Variants in WSB2 observed in about 807,000 individuals in gnomAD.
WSB2 encodes WD repeat and SOCS box containing 2.
Under a neutral mutation model 48.8 loss-of-function variants are expected in WSB2, and 12 were observed. That is an observed-to-expected ratio of 0.25 (90% CI 0.16 to 0.40). The LOEUF (loss-of-function observed/expected upper bound fraction) is 0.40, where lower values mean the gene tolerates loss of function less well. WSB2 is among the 10% of genes least tolerant of loss of function. The probability of loss-of-function intolerance (pLI) is 1.00; values close to 1 mark genes in which losing one functional copy is unlikely to be tolerated. For missense variants in WSB2, 317 were observed against 506.2 expected (o/e 0.63, Z 3.59); for synonymous variants, 191 against 203.1 (o/e 0.94, Z 0.51).
At chr12:118,061,744 C>A (rs1454821746), upstream of WSB2, among the ~76,000 whole-genome samples, 1 of 119,232 alleles carries the variant, frequency 8.4e-6, no homozygotes, top group African/African-American at 3.4e-5. Context: ...TGGAGCCATG[C>A]GAAGGCCGAT....
At chr12:118,061,943 A>AG (rs1318769101), upstream of WSB2, among the ~76,000 whole-genome samples, 2 of 116,922 alleles carry the variant, frequency 1.7e-5, no homozygotes, top group Non-Finnish European at 3.4e-5. Flanking sequence ...GGGTAAAACA[A>AG]GGGGGGCTAC....
At chr12:118,042,996 A>C (rs1354370733) in intron 3 of WSB2, 24 bp from the exon 4 acceptor site, 1 of 1,614,074 alleles carries the variant, frequency 6.2e-7, no homozygotes, top group Non-Finnish European at 8.5e-7. Flanking sequence ...AGGGGCACTG[A>C]GTCAGCCAGA....
In WSB2 at chr12:118,035,245, C is replaced by G. The variant is rs754879721; in HGVS notation, c.913G>C (p.Gly305Arg). ...TCTGCCACCGTGGCAAGGTACAAGC[C>G]TTCTGGAGAGAAGCACACAGATCTC... ...SLRSVCFSPE[G>R]LYLATVADDR... is the part of the protein sequence containing the mutation. The change falls in exon 7 of 9, where the codon GGC becomes CGC. Residue 305 changes from glycine to arginine, a missense_variant. Around this residue, in one of 2 missense-constraint regions of WSB2, gnomAD observed 189 missense variants for 349.6 expected, o/e 0.54. Transcript: ENST00000315436. The G allele has an allele frequency of 6.2e-7, 1 of 1,614,206 alleles. No homozygotes were observed. The highest frequency in any genetic ancestry group is 8.5e-7 in the Non-Finnish European group (1 of 1,180,042).
At chr12:118,049,062 T>C (rs1405834701) in intron 2 of WSB2, among the ~76,000 whole-genome samples, 2 of 152,240 alleles carry the variant, frequency 1.3e-5, no homozygotes, top group African/African-American at 4.8e-5. Context: ...TCTTCCATGT[T>C]GTGCTTTTTA....
In WSB2 at chr12:118,042,917, G is replaced by A; in HGVS notation, c.483C>T (p.Phe161=). Residue 161 remains phenylalanine (F), a synonymous_variant, in exon 4 of 9, where the codon TTC becomes TTT. Transcript: ENST00000315436. ...GHQDVVRDLS[F]TPSGSLILVS... ...CCAAAATCAAACTGCCACTGGGTGT[G>A]AAGCTCAGATCTCTCACGACATCTT... 2 of 1,614,212 alleles carry A rather than the reference G, an allele frequency of 1.2e-6. No individual in the cohort carries two copies. Among genetic ancestry groups the A allele is most frequent in the African/African-American group, 1.3e-5 (1 of 75,050 alleles).
chr12:118,039,706 C>A (rs569261169), intron 4 of WSB2, among the ~76,000 whole-genome samples: 1 of 151,842 alleles, frequency 6.6e-6, no homozygotes, highest in East Asian at 1.9e-4. Context: ...TAAGTTTATG[C>A]GGATGTATGG....
intron 2 of WSB2, among the ~76,000 whole-genome samples, chr12:118,050,780 G>T (rs1057344858): frequency 2.0e-5 from 3 of 152,028 alleles, no homozygotes; most frequent in Non-Finnish European, 2.9e-5. Flanking sequence ...GGCCAGGTGT[G>T]GTGGCTCACA....
At chr12:118,051,974 AAAAT>A (rs1239694651) in intron 2 of WSB2, among the ~76,000 whole-genome samples, 1 of 152,234 alleles carries the variant, frequency 6.6e-6, no homozygotes, top group African/African-American at 2.4e-5. Flanking sequence ...ACTGTCTCAA[AAAAT>A]AAATAAATAA....
intron 1 of WSB2, among the ~76,000 whole-genome samples, chr12:118,054,469 G>C (rs569398909): frequency 8.2e-5 from 12 of 147,210 alleles, no homozygotes; most frequent in African/African-American, 2.9e-4. Context: ...TCGGGAGTTC[G>C]AGACCAGCCT....
At chr12:118,034,881 CT>C in intron 8 of WSB2, 104 bp downstream of exon 8, 1 of 1,080,074 alleles carries the variant, frequency 9.3e-7, no homozygotes, top group Non-Finnish European at 1.3e-6. Flanking sequence ...TGCCTTAAAG[CT>C]TTCCTCATAG....
intron 3 of WSB2, 75 bp downstream of exon 3, chr12:118,043,058 T>C (rs1289200543): frequency 1.6e-5 from 26 of 1,613,358 alleles, no homozygotes; most frequent in Non-Finnish European, 2.2e-5. Flanking sequence ...CCAACGTGAG[T>C]GGGGCAGGGA....
Position 118,042,830 on chromosome 12 carries a change from A to C in WSB2, c.559+11T>G, listed in dbSNP as rs1398982549. The C allele has an allele frequency of 1.9e-6, 3 of 1,612,248 alleles. No individual in the cohort carries two copies. In the Admixed American group the frequency reaches 5.0e-5, roughly 27 times the overall value. On this transcript the variant is annotated intron_variant, in intron 4 of 8. Coordinates refer to ENST00000315436, the MANE Select transcript of WSB2 (RefSeq NM_018639.5). Reference sequence around the variant, plus strand: ...TTTGGAGTTGCCGAGTAGTTCCTTCACTTCCCATACCGTGTTTATTCAGGT... The same window carrying C: ...TTTGGAGTTGCCGAGTAGTTCCTTCCCTTCCCATACCGTGTTTATTCAGGT...
chr12:118,049,375 G>A (rs895233132), intron 2 of WSB2, among the ~76,000 whole-genome samples: 5 of 152,026 alleles, frequency 3.3e-5, no homozygotes, highest in Admixed American at 2.6e-4. Context: ...ATGAAGATCA[G>A]TGTATATAAA....
intron 1 of WSB2, among the ~76,000 whole-genome samples, chr12:118,054,947 G>C (rs1241108754): frequency 6.7e-6 from 1 of 149,468 alleles, no homozygotes; most frequent in Admixed American, 6.7e-5. Flanking sequence ...GGTAGGCCGA[G>C]ATGGGATGAT....
intron 1 of WSB2, among the ~76,000 whole-genome samples, chr12:118,055,986 A>G (rs1472356084): frequency 1.3e-5 from 2 of 151,588 alleles, no homozygotes; most frequent in African/African-American, 2.4e-5. Flanking sequence ...AGACTTGCCA[A>G]ATCTAACCCC....
Position 118,038,290 on chromosome 12 carries a change from A to G in WSB2, c.658T>C (p.Ser220Pro), listed in dbSNP as rs762716712. Residue 220 changes from serine (S) to proline (P), a missense_variant and splice_region_variant, in exon 5 of 9, where the codon TCG becomes CCG. This residue lies in a region of WSB2 where 189 missense variants were observed against 349.6 expected (regional missense o/e 0.54). Transcript: ENST00000315436. Reference protein sequence around the residue: ...SMLCSAAGEKSVFLWSMRSYT... With the variant: ...SMLCSAAGEKPVFLWSMRSYT... The stretch of plus-strand genomic sequence containing the variant: ...AAGCAATAACGCTGGAGACTCACCG[A>G]CTTCTCTCCAGCTGCAGAGCACAGC... 1 of 1,612,902 alleles carries G rather than the reference A, an allele frequency of 6.2e-7. No individual in the cohort carries two copies. The highest frequency in any genetic ancestry group is 1.3e-5 in the African/African-American group (1 of 74,974).
rs1593461105 is a variant in WSB2 at position 118,035,068 on chromosome 12, G to C, written c.970C>G (p.Leu324Val). The change falls in exon 8 of 9, where the codon CTG becomes GTG. Residue 324 changes from leucine to valine, a missense_variant. Around this residue, in one of 2 missense-constraint regions of WSB2, gnomAD observed 189 missense variants for 349.6 expected, o/e 0.54. Coordinates refer to ENST00000315436, the MANE Select transcript of WSB2 (RefSeq NM_018639.5). ...GGAGCAAATGCAATGGGAGTTTTCA[G>C]TTCCAGGGCCCAGATCCTGAGGAGT... Reference protein sequence around the residue: ...DRLLRIWALELKTPIAFAPMT... With the variant: ...DRLLRIWALEVKTPIAFAPMT... 1 of 1,614,208 alleles carries C rather than the reference G, an allele frequency of 6.2e-7. No homozygotes were observed. The highest frequency in any genetic ancestry group is 8.5e-7 in the Non-Finnish European group (1 of 1,180,036).
At chr12:118,058,605 G>A (rs1018976459) in intron 1 of WSB2, among the ~76,000 whole-genome samples, 1 of 151,972 alleles carries the variant, frequency 6.6e-6, no homozygotes, top group African/African-American at 2.4e-5. Context: ...ACCCAAGTTG[G>A]CCTCCCAAAC....
chr12:118,033,557 A>G lies in WSB2; in HGVS notation c.*639T>C, dbSNP rs1286288665. 1 of 152,240 alleles carries G rather than the reference A, an allele frequency of 6.6e-6. No homozygotes were observed. Among genetic ancestry groups the G allele is most frequent in the Non-Finnish European group, 1.5e-5 (1 of 67,998 alleles). The allele number at this position is 152,240 out of a possible 1,614,324, so 9.4% of individuals were successfully genotyped here. On this transcript the variant is annotated 3_prime_UTR_variant, in exon 9 of 9. Transcript: ENST00000315436. ...CATGCACACCATTGTTAAAAAAAAA[A>G]AAAAAAAGCCAGTAATAGTGTCTGG...
Sources: gnomAD v4.1 joint callset for allele counts (sites outside exome capture counted in the v4.1 genomes callset) on GRCh38, gnomAD v4.1.1 for gene constraint, gnomAD v4.1.1 regional missense constraint, MANE v1.5 for transcripts, NCBI Gene and HGNC (gene_info 2026-07-23, HGNC 2026-07-21) for gene names.